GGNBP2: variants seen among roughly 807,000 people sequenced by gnomAD.
GGNBP2 encodes the protein gametogenetin binding protein 2, also known as gametogenetin-binding protein 2.
Under a neutral mutation model 85.9 loss-of-function variants are expected in GGNBP2, and 10 were observed. The observed-to-expected ratio is 0.12, with a 90% confidence interval of 0.07 to 0.20. The LOEUF (loss-of-function observed/expected upper bound fraction) is 0.20, where lower values mean the gene tolerates loss of function less well. Among genes scored for constraint, GGNBP2 ranks in the 10% least tolerant of loss-of-function variants. GGNBP2 has a pLI of 1.00. For missense variants in GGNBP2, 595 were observed against 857.8 expected (o/e 0.69, Z 3.83); for synonymous variants, 287 against 285.7 (o/e 1.00, Z -0.05).
intron 5 of GGNBP2, among the ~76,000 whole-genome samples, chr17:36,565,694 G>T (rs751234234): frequency 2.0e-5 from 3 of 152,032 alleles, no homozygotes; most frequent in Non-Finnish European, 4.4e-5. Flanking sequence ...TCAGGAGTTC[G>T]CGACCAGCCT....
intron 12 of GGNBP2, 37 bp downstream of exon 12, chr17:36,586,235 G>C (rs370613946): frequency 6.3e-7 from 1 of 1,592,798 alleles, no homozygotes; most frequent in Non-Finnish European, 8.5e-7. Context: ...AACCTTTGCT[G>C]TTGAGGACAG....
At chr17:36,557,924 C>G (rs2074378852) in intron 4 of GGNBP2, among the ~76,000 whole-genome samples, 1 of 150,780 alleles carries the variant, frequency 6.6e-6, no homozygotes, top group Non-Finnish European at 1.5e-5. Flanking sequence ...CCATCCTGAC[C>G]AACGTGGTGA....
intron 1 of GGNBP2, 43 bp downstream of exon 1, chr17:36,545,140 G>A (rs2074236389): frequency 6.5e-6 from 1 of 153,116 alleles, no homozygotes; most frequent in African/African-American, 2.4e-5. Flanking sequence ...GGACTCCGCA[G>A]AGCCGCTGCG....
chr17:36,575,648 A>ATATATATATATATTTTT (rs374366757), intron 6 of GGNBP2, among the ~76,000 whole-genome samples: 5 of 54,910 alleles, frequency 9.1e-5, no homozygotes, highest in African/African-American at 5.4e-4. Flanking sequence ...ATATATATAT[A>ATATATATATATATTTTT]TTTTTTTTTT....
intron 2 of GGNBP2, among the ~76,000 whole-genome samples, chr17:36,551,633 CAGG>C (rs998132759): frequency 9.2e-5 from 14 of 151,838 alleles, no homozygotes; most frequent in African/African-American, 3.4e-4. Flanking sequence ...CACCTGAGGT[CAGG>C]AGTTCAGGAC....
At chr17:36,561,589 CA>C (rs1197063204) in intron 5 of GGNBP2, among the ~76,000 whole-genome samples, 1 of 152,082 alleles carries the variant, frequency 6.6e-6, no homozygotes, top group East Asian at 1.9e-4. Flanking sequence ...GATATTATGA[CA>C]ATATGTATTT....
chr17:36,568,104 C>G (rs2074486371), intron 6 of GGNBP2, among the ~76,000 whole-genome samples: 1 of 151,636 alleles, frequency 6.6e-6, no homozygotes, highest in Admixed American at 6.6e-5. Context: ...TTTTGTATTT[C>G]TAGTAGAGAT....
chr17:36,561,913 G>A (rs1599515234), intron 5 of GGNBP2, among the ~76,000 whole-genome samples: 2 of 152,068 alleles, frequency 1.3e-5, no homozygotes, highest in Admixed American at 6.6e-5. Context: ...GTGAGCCACC[G>A]CGCCCGGCCT....
intron 2 of GGNBP2, among the ~76,000 whole-genome samples, chr17:36,549,966 C>G (rs1456323946): frequency 6.7e-6 from 1 of 150,282 alleles, no homozygotes; most frequent in Non-Finnish European, 1.5e-5. Context: ...GAGATGGAGT[C>G]TCACTGTGTC....
At chr17:36,563,990 C>T (rs185486108) in intron 5 of GGNBP2, among the ~76,000 whole-genome samples, 4 of 152,294 alleles carry the variant, frequency 2.6e-5, no homozygotes, top group African/African-American at 7.2e-5. Flanking sequence ...GTGATCAACC[C>T]GCCTTGGCCT....
intron 2 of GGNBP2, among the ~76,000 whole-genome samples, chr17:36,549,805 A>G (rs1417150401): frequency 1.3e-5 from 2 of 152,232 alleles, no homozygotes; most frequent in Non-Finnish European, 2.9e-5. Flanking sequence ...AATAAACTGT[A>G]AGAACATAAA....
Position 36,586,370 on chromosome 17 carries a change from G to C in GGNBP2, c.1641+172G>C, listed in dbSNP as rs760049829. Reference sequence around the variant, plus strand: ...TGTGAGAGTGTGGGTTGGGGGCAGAGAGAGATGTGATCATTTGTGCAACAG... The same window carrying C: ...TGTGAGAGTGTGGGTTGGGGGCAGACAGAGATGTGATCATTTGTGCAACAG... On this transcript the variant is annotated intron_variant, in intron 12 of 13. Transcript: ENST00000613102. 14 of 687,948 alleles carry C rather than the reference G, an allele frequency of 2.0e-5. 1 individual carries two copies. Among genetic ancestry groups the C allele is most frequent in the South Asian group, 8.4e-5 (4 of 47,550 alleles). The allele number at this position is 687,948 out of a possible 1,614,324, so 42.6% of individuals were successfully genotyped here.
At chr17:36,569,585 A>G (rs1347911393) in intron 6 of GGNBP2, among the ~76,000 whole-genome samples, 2 of 152,206 alleles carry the variant, frequency 1.3e-5, no homozygotes, top group African/African-American at 4.8e-5. Flanking sequence ...AACTGGTGTC[A>G]TTACTTTATG....
At chr17:36,568,477 A>G (rs1293014115) in intron 6 of GGNBP2, among the ~76,000 whole-genome samples, 3 of 151,904 alleles carry the variant, frequency 2.0e-5, no homozygotes, top group Non-Finnish European at 4.4e-5. Context: ...TTGTATTTTT[A>G]GTAGAGACGG....
At chr17:36,563,775 CCCCTGTCA>C (rs1354411952) in intron 5 of GGNBP2, among the ~76,000 whole-genome samples, 1 of 135,508 alleles carries the variant, frequency 7.4e-6, no homozygotes. Flanking sequence ...GATGGAATTT[CCCCTGTCA>C]CCCGGGCTAG....
chr17:36,571,889 CAAAAT>C (rs1414128241), intron 6 of GGNBP2, among the ~76,000 whole-genome samples: 2 of 150,732 alleles, frequency 1.3e-5, no homozygotes, highest in Admixed American at 6.6e-5. Context: ...AATATAAAAA[CAAAAT>C]AAAAAAATTA....
At chr17:36,550,459 A>G (rs1009843305) in intron 2 of GGNBP2, among the ~76,000 whole-genome samples, 3 of 152,242 alleles carry the variant, frequency 2.0e-5, no homozygotes, top group African/African-American at 7.2e-5. Flanking sequence ...GTTAAAAGTT[A>G]GCATTTAATG....
rs113134223 is a variant in GGNBP2 at position 36,589,395 on chromosome 17, C to T, written c.2078C>T (p.Thr693Met). The T allele has an allele frequency of 1.4e-5, 23 of 1,611,960 alleles. No homozygotes were observed. Among genetic ancestry groups the T allele is most frequent in the African/African-American group, 4.0e-5 (3 of 74,856 alleles). Reference sequence around the variant, plus strand: ...CCCATTTGTAGTGGCTGGTTGACAACGGCTGGAGCAAATTAAATAAATAAA... The same window carrying T: ...CCCATTTGTAGTGGCTGGTTGACAATGGCTGGAGCAAATTAAATAAATAAA... ...KRPICSGWLTTAGAN is the reference protein window; with the variant it reads ...KRPICSGWLTMAGAN The change falls in exon 14 of 14, where the codon ACG becomes ATG. Residue 693 changes from threonine (T) to methionine (M), a missense_variant. By Grantham distance (81) the Thr-to-Met change is moderately conservative (BLOSUM62 -1). This residue lies in a region of GGNBP2 where 26 missense variants were observed against 26.9 expected (regional missense o/e 0.97). Coordinates refer to ENST00000613102, the MANE Select transcript of GGNBP2 (RefSeq NM_024835.5).
At chr17:36,577,440 GCACA>G (rs1567831013) in intron 6 of GGNBP2, 1 of 153,006 alleles carries the variant, frequency 6.5e-6, no homozygotes, top group African/African-American at 2.4e-5. Flanking sequence ...ATTAAAAAAT[GCACA>G]CACCACTTTC....
Sources: allele counts gnomAD v4.1 joint callset (sites outside exome capture counted in the v4.1 genomes callset), GRCh38; gene constraint gnomAD v4.1.1; regional missense constraint gnomAD v4.1.1; transcripts MANE v1.5; gene names NCBI Gene and HGNC (gene_info 2026-07-23, HGNC 2026-07-21).